ASTN2: variants seen among roughly 807,000 people sequenced by gnomAD.
ASTN2 encodes astrotactin-2.
A neutral mutation model predicts 139.8 loss-of-function variants in ASTN2; 54 were observed. That is an observed-to-expected ratio of 0.39 (90% CI 0.31 to 0.48). The LOEUF (loss-of-function observed/expected upper bound fraction) is 0.48, where lower values mean the gene tolerates loss of function less well. Among genes scored for constraint, ASTN2 ranks in the 20% least tolerant of loss-of-function variants. ASTN2 has a pLI of 0.95. For missense variants in ASTN2, 1,565 were observed against 1,725.1 expected (o/e 0.91, Z 1.64); for synonymous variants, 756 against 719.5 (o/e 1.05, Z -0.81).
intron 19 of ASTN2, among the ~76,000 whole-genome samples, chr9:116,567,578 C>G (rs1853297999): frequency 1.3e-5 from 2 of 152,106 alleles, no homozygotes; most frequent in African/African-American, 2.4e-5. Flanking sequence ...CTTGTGACAT[C>G]AAAATGGCCT....
chr9:117,188,254 C>T (rs1023003764), intron 3 of ASTN2, among the ~76,000 whole-genome samples: 1 of 151,742 alleles, frequency 6.6e-6, no homozygotes, highest in Non-Finnish European at 1.5e-5. Context: ...TAGTTCAAGA[C>T]ATCAATATGT....
intron 6 of ASTN2, among the ~76,000 whole-genome samples, chr9:117,019,365 T>C (rs1837805722): frequency 6.6e-6 from 1 of 152,098 alleles, no homozygotes; most frequent in African/African-American, 2.4e-5. Flanking sequence ...AAGGACTACA[T>C]GGGGCCAAGC....
chr9:116,464,885 A>C (rs1291912716), intron 20 of ASTN2, among the ~76,000 whole-genome samples: 1 of 152,188 alleles, frequency 6.6e-6, no homozygotes, highest in Non-Finnish European at 1.5e-5. Context: ...AATGGGTGCG[A>C]TATGCCTGAT....
At chr9:116,719,328 T>G (rs1828410458) in intron 16 of ASTN2, among the ~76,000 whole-genome samples, 1 of 152,076 alleles carries the variant, frequency 6.6e-6, no homozygotes, top group Non-Finnish European at 1.5e-5. Flanking sequence ...AGGGAAGGGA[T>G]AGTTAGCCAA....
intron 6 of ASTN2, among the ~76,000 whole-genome samples, chr9:117,020,767 A>C (rs538527173): frequency 6.6e-6 from 1 of 152,160 alleles, no homozygotes. Flanking sequence ...TTAAAATGGC[A>C]TCTCTAAGCA....
chr9:116,604,963 T>C (rs1278671999), intron 19 of ASTN2, among the ~76,000 whole-genome samples: 1 of 151,744 alleles, frequency 6.6e-6, no homozygotes, highest in African/African-American at 2.4e-5. Context: ...CAGCAGCTCA[T>C]ATCAGAGCCA....
At chr9:117,379,175 T>G (rs551113953) in intron 1 of ASTN2, among the ~76,000 whole-genome samples, 24 of 152,272 alleles carry the variant, frequency 1.6e-4, no homozygotes, top group African/African-American at 5.8e-4. Context: ...TATATCCATT[T>G]GAGGACAGAC....
At chr9:117,337,159 A>G (rs1478622774) in intron 1 of ASTN2, among the ~76,000 whole-genome samples, 1 of 152,204 alleles carries the variant, frequency 6.6e-6, no homozygotes, top group Non-Finnish European at 1.5e-5. Flanking sequence ...CACATACCCT[A>G]TGGTACCTCT....
At chr9:116,508,628 G>C (rs763434413) in intron 19 of ASTN2, among the ~76,000 whole-genome samples, 4 of 152,254 alleles carry the variant, frequency 2.6e-5, no homozygotes, top group Non-Finnish European at 2.9e-5. Flanking sequence ...CAGCACTTCA[G>C]CGCAGATGAT....
At chr9:117,371,085 C>A (rs746449648) in intron 1 of ASTN2, among the ~76,000 whole-genome samples, 1 of 151,830 alleles carries the variant, frequency 6.6e-6, no homozygotes, top group Non-Finnish European at 1.5e-5. Flanking sequence ...GTCCCTACTT[C>A]ATCATATACC....
At chr9:116,722,264 A>C (rs992220583) in intron 16 of ASTN2, among the ~76,000 whole-genome samples, 1 of 151,932 alleles carries the variant, frequency 6.6e-6, no homozygotes, top group African/African-American at 2.4e-5. Context: ...ACACAAAAAA[A>C]AATACAGAGA....
At chr9:116,923,610 CA>C (rs1834673822) in intron 10 of ASTN2, among the ~76,000 whole-genome samples, 2 of 152,200 alleles carry the variant, frequency 1.3e-5, no homozygotes, top group African/African-American at 4.8e-5. Context: ...CAACTTTCCT[CA>C]GCTTTTACCC....
At chr9:116,664,431 ATATATG>A (rs1662526910) in intron 16 of ASTN2, among the ~76,000 whole-genome samples, 1 of 148,134 alleles carries the variant, frequency 6.8e-6, no homozygotes, top group African/African-American at 2.4e-5. Context: ...TATAATATAT[ATATATG>A]TATATGTATA....
At chr9:117,149,633 A>C (rs1346509497) in intron 3 of ASTN2, among the ~76,000 whole-genome samples, 2 of 152,146 alleles carry the variant, frequency 1.3e-5, no homozygotes, top group South Asian at 2.1e-4. Context: ...TGCAAAAAAA[A>C]CCATCCAATT....
At chr9:116,770,483 G>A (rs1039046297) in intron 13 of ASTN2, among the ~76,000 whole-genome samples, 1 of 152,108 alleles carries the variant, frequency 6.6e-6, no homozygotes, top group Non-Finnish European at 1.5e-5. Context: ...TTCATCCTGA[G>A]AAACCCAGGT....
intron 10 of ASTN2, among the ~76,000 whole-genome samples, chr9:116,883,006 T>A (rs1833490550): frequency 6.6e-6 from 1 of 152,118 alleles, no homozygotes; most frequent in Non-Finnish European, 1.5e-5. Context: ...ACTCGAAGTG[T>A]TCGTACACGT....
intron 3 of ASTN2, among the ~76,000 whole-genome samples, chr9:117,184,276 T>G (rs1291705935): frequency 6.6e-6 from 1 of 152,150 alleles, no homozygotes; most frequent in African/African-American, 2.4e-5. Flanking sequence ...AAGCAGACAC[T>G]GCCAAGGACA....
chr9:116,828,300 CAAA>C (rs34187222), intron 11 of ASTN2, among the ~76,000 whole-genome samples: 1 of 132,174 alleles, frequency 7.6e-6, no homozygotes, highest in Non-Finnish European at 1.6e-5. Context: ...GACTCCGTCT[CAAA>C]AAAAAAAAAA....
At chr9:116,781,762 T>C (rs57895262) in intron 13 of ASTN2, among the ~76,000 whole-genome samples, 15,099 of 152,012 alleles carry the variant, frequency 0.099, 1,773 homozygotes, top group African/African-American at 0.29. Context: ...TAGGGAAGAA[T>C]GACTTCCGGT....
Sources: gnomAD v4.1 joint callset for allele counts (sites outside exome capture counted in the v4.1 genomes callset) on GRCh38, gnomAD v4.1.1 for gene constraint, MANE v1.5 for transcripts, NCBI Gene and HGNC (gene_info 2026-07-23, HGNC 2026-07-21) for gene names.